Variants in CSPG4 observed in about 807,000 individuals in gnomAD.
CSPG4 encodes the protein chondroitin sulfate proteoglycan 4 (melanoma-associated).
A neutral mutation model predicts 139.3 loss-of-function variants in CSPG4; 74 were observed. The observed-to-expected ratio is 0.53, with a 90% CI of 0.44 to 0.64. The LOEUF (loss-of-function observed/expected upper bound fraction) is 0.64, where lower values mean the gene tolerates loss of function less well. Ranked by LOEUF, CSPG4 falls within the 30% of genes least tolerant of loss-of-function variation. CSPG4 has a pLI of 0.00. For synonymous variants in CSPG4, 1,234 were observed against 1,394.2 expected (o/e 0.89, Z 2.56); for missense variants, 2,565 against 3,148.3 (o/e 0.81, Z 4.43).
In CSPG4 at chr15:75,682,738, G is replaced by C. The variant is rs1425853125; in HGVS notation, c.4652C>G (p.Thr1551Ser). The change falls in exon 7 of 10, where the codon ACC becomes AGC. Residue 1551 changes from threonine (T) to serine (S), a missense_variant. Thr to Ser is a moderately conservative substitution (Grantham distance 58). This residue lies in a region of CSPG4 where 2,316 missense variants were observed against 2,818.2 expected (regional missense o/e 0.82). Coordinates refer to ENST00000308508, the MANE Select transcript of CSPG4 (RefSeq NM_001897.5). The stretch of plus-strand genomic sequence containing the variant: ...GCGGAAGCGGAAGCCTCCATCCAGG[G>C]TTCCTGGGGACAGGGGCATTGGGTC... Reference protein sequence around the residue: ...GGLVLFSHRGTLDGGFRFRLS... With the variant: ...GGLVLFSHRGSLDGGFRFRLS... 1 of 1,612,846 alleles carries C rather than the reference G, an allele frequency of 6.2e-7. No individual in the cohort carries two copies. The highest frequency in any genetic ancestry group is 1.7e-5 in the Admixed American group (1 of 60,032).
chr15:75,685,053 A>G (rs1438992909), intron 4 of CSPG4, 141 bp from the exon 5 acceptor site: 7 of 1,257,260 alleles, frequency 5.6e-6, no homozygotes, highest in Non-Finnish European at 7.8e-6. Flanking sequence ...GGCTCCGAGG[A>G]GTTGTGAGGA....
At chr15:75,708,834 C>T (rs544274929) in intron 1 of CSPG4, among the ~76,000 whole-genome samples, 1 of 152,338 alleles carries the variant, frequency 6.6e-6, no homozygotes, top group East Asian at 1.9e-4. Context: ...CGAGACCAGC[C>T]TGGGCAACAT....
At position 75,688,600 on chromosome 15, in the gene CSPG4, T is replaced by C. The variant is rs765661211; in HGVS notation, c.2465A>G (p.His822Arg). The stretch of plus-strand genomic sequence containing the variant: ...CCTGGGAGCCTGAACCACCTCATAA[T>C]GGAAGGTTGGGGGGCTTGGGCCTGC... Reference protein sequence around the residue: ...EEAGPSPPTFHYEVVQAPRKG... With the variant: ...EEAGPSPPTFRYEVVQAPRKG... Residue 822 changes from histidine to arginine, a missense_variant, in exon 3 of 10, where the codon CAT (histidine) becomes CGT (arginine). Physicochemically the swap from His to Arg is conservative, Grantham distance 29 (BLOSUM62 0). Around this residue, in one of 5 missense-constraint regions of CSPG4, gnomAD observed 2,316 missense variants for 2,818.2 expected, o/e 0.82. Transcript: ENST00000308508. 1.9e-6 allele frequency: 3 copies of C among 1,612,970 alleles called. No individual in the cohort carries two copies. The highest frequency in any genetic ancestry group is 2.5e-6 in the Non-Finnish European group (3 of 1,179,946).
At position 75,682,303 on chromosome 15, in the gene CSPG4, G is replaced by C. The variant is rs1318131742; in HGVS notation, c.4940C>G (p.Thr1647Ser). 7 of 1,596,680 alleles carry C rather than the reference G, an allele frequency of 4.4e-6. No individual in the cohort carries two copies. Among genetic ancestry groups the C allele is most frequent in the Non-Finnish European group, 5.9e-6 (7 of 1,179,928 alleles). ...AAGTTGGGCCCTTACCTCTGCCTGA[G>C]TGAAGTTCACCAGGGCCTCCCCTGT... is the stretch of plus-strand genomic sequence containing the variant. ...DSTGEALVNF[T>S]QAEVYAGNIL... The change falls in exon 8 of 10, where the codon ACT becomes AGT. Residue 1647 changes from threonine to serine, a missense_variant. By Grantham distance (58) the Thr-to-Ser change is moderately conservative. Around this residue, in one of 5 missense-constraint regions of CSPG4, gnomAD observed 2,316 missense variants for 2,818.2 expected, o/e 0.82. Transcript: ENST00000308508.
chr15:75,686,180 G>A (rs892170774), intron 3 of CSPG4, among the ~76,000 whole-genome samples: 2 of 152,174 alleles, frequency 1.3e-5, no homozygotes, highest in African/African-American at 4.8e-5. Context: ...ACTCCCTCAG[G>A]GAGGTGCATA....
At chr15:75,707,764 G>A (rs112282435) in intron 1 of CSPG4, among the ~76,000 whole-genome samples, 35 of 152,314 alleles carry the variant, frequency 2.3e-4, no homozygotes, top group African/African-American at 7.9e-4. Context: ...CCTCCAGGCC[G>A]GCTCAGCTGG....
intron 8 of CSPG4, among the ~76,000 whole-genome samples, chr15:75,681,474 G>A (rs1395818693): frequency 2.0e-5 from 3 of 152,102 alleles, no homozygotes; most frequent in Admixed American, 6.5e-5. Context: ...TCAGCTCTGC[G>A]CCCCACAAGA....
rs1479816264 is a variant in CSPG4 at position 75,689,142 on chromosome 15, C to T, written c.1923G>A (p.Arg641=). ...RGGPAQDLTF[R]VSDGLQASPP... is the part of the protein sequence containing the mutation. ...GGCTGGCCTGCAGTCCATCGCTGAC[C>T]CGGAACGTCAAGTCCTGTGCAGGAC... Residue 641 remains arginine, a synonymous_variant, in exon 3 of 10, where the codon CGG becomes CGA. Transcript: ENST00000308508. 51 of 1,598,666 alleles carry T rather than the reference C, an allele frequency of 3.2e-5. No individual in the cohort carries two copies. Among genetic ancestry groups the T allele is most frequent in the Non-Finnish European group, 4.3e-5 (51 of 1,172,418 alleles).
At position 75,677,764 on chromosome 15, in the gene CSPG4, A is replaced by G. The variant is rs1158339949; in HGVS notation, c.5073T>C (p.Ala1691=). Residue 1691 remains alanine (A), a synonymous_variant, in exon 9 of 10, where the codon GCT becomes GCC. Transcript: ENST00000308508. ...PPARDVAATL[A]VAVSFEAACP... is the part of the protein sequence containing the mutation. The stretch of plus-strand genomic sequence containing the variant: ...AGGCAGCCTCAAAAGACACAGCCAC[A>G]GCAAGGGTGGCGGCCACGTCCCGGG... The G allele has an allele frequency of 2.5e-6, 4 of 1,611,286 alleles. No individual in the cohort carries two copies. The highest frequency in any genetic ancestry group is 1.7e-5 in the Admixed American group (1 of 59,488).
chr15:75,686,368 A>C (rs1435952746), intron 3 of CSPG4, among the ~76,000 whole-genome samples: 2 of 152,172 alleles, frequency 1.3e-5, no homozygotes, highest in Non-Finnish European at 2.9e-5. Flanking sequence ...ATTACCACCC[A>C]GGACCATCAG....
Position 75,677,265 on chromosome 15 carries a change from T to C in CSPG4, c.5254A>G (p.Thr1752Ala). 6.7e-7 allele frequency: 1 copy of C among 1,497,478 alleles called. No homozygotes were observed. 92.8% of individuals were successfully genotyped at this position (1,497,478 alleles called of 1,614,324 possible). Residue 1752 changes from threonine to alanine, a missense_variant, in exon 10 of 10, where the codon ACA becomes GCA. Thr to Ala is a moderately conservative substitution (Grantham distance 58). This residue lies in a region of CSPG4 where 2,316 missense variants were observed against 2,818.2 expected (regional missense o/e 0.82). Transcript: ENST00000308508. ...RSEHDVLFQV[T>A]QFPSRGQLLV... ...AGCTGGCCCCGGCTGGGGAACTGTG[T>C]GACCTGGAAGAGCACATCATGCTCT...
chr15:75,710,357 C>T (rs554003251), intron 1 of CSPG4, among the ~76,000 whole-genome samples: 250 of 152,336 alleles, frequency 1.6e-3, no homozygotes, highest in African/African-American at 5.5e-3. Flanking sequence ...CAATGCTTGG[C>T]TCTCTGCTGG....
chr15:75,678,543 A>G (rs1406804780), intron 8 of CSPG4: 1 of 418,990 alleles, frequency 2.4e-6, no homozygotes, highest in African/African-American at 2.0e-5. Flanking sequence ...TTGTTGAGAC[A>G]GGGTCTCACT....
In CSPG4 at chr15:75,698,455, CT is replaced by C. The variant is rs372943458; in HGVS notation, c.89-5223del. On this transcript the variant is annotated intron_variant, in intron 1 of 9. Coordinates refer to ENST00000308508, the MANE Select transcript of CSPG4 (RefSeq NM_001897.5). The surrounding 1 kb of genome is among the most constrained non-coding windows in gnomAD (Gnocchi z 4.3). ...CCCTCTAGACCTCAGGTCAGTTCCC[CT>C]CCCCTCCCCTTGCACCTCCAAGGGA... Among the ~76,000 whole-genome samples the C allele has an allele frequency of 1.8e-4, 28 of 152,134 alleles. 1 individual carries two copies. Among genetic ancestry groups the C allele is most frequent in the African/African-American group, 6.8e-4 (28 of 41,476 alleles).
At chr15:75,677,622 G>A in intron 9 of CSPG4, 81 bp downstream of exon 9, 1 of 1,454,100 alleles carries the variant, frequency 6.9e-7, no homozygotes, top group Non-Finnish European at 9.2e-7. Flanking sequence ...AGGAGCTGCT[G>A]ACCCTGGCCT....
chr15:75,678,110 C>A (rs138967830), intron 8 of CSPG4, among the ~76,000 whole-genome samples: 1 of 152,214 alleles, frequency 6.6e-6, no homozygotes, highest in Non-Finnish European at 1.5e-5. Flanking sequence ...AACTCTGCCA[C>A]CCTGGGGAAA....
At chr15:75,678,516 C>A (rs1422885612) in intron 8 of CSPG4, 1 of 389,450 alleles carries the variant, frequency 2.6e-6, no homozygotes, top group Non-Finnish European at 5.2e-6. Context: ...CCACACCCAG[C>A]TATTTTTTTT....
chr15:75,683,355 G>A (rs555565458), intron 5 of CSPG4, among the ~76,000 whole-genome samples: 39 of 152,164 alleles, frequency 2.6e-4, no homozygotes, highest in Non-Finnish European at 5.1e-4. Context: ...CCCTCACCAA[G>A]TTCTCACTCC....
intron 1 of CSPG4, among the ~76,000 whole-genome samples, chr15:75,701,273 G>A (rs1392302087): frequency 6.6e-6 from 1 of 152,218 alleles, no homozygotes; most frequent in Non-Finnish European, 1.5e-5. Context: ...CTGTGATGAG[G>A]GAGGTGATGT....
Sources: allele counts gnomAD v4.1 joint callset (sites outside exome capture counted in the v4.1 genomes callset), GRCh38; gene constraint gnomAD v4.1.1; regional missense constraint gnomAD v4.1.1; non-coding constraint Gnocchi (gnomAD v3.1); transcripts MANE v1.5; gene names NCBI Gene and HGNC (gene_info 2026-07-23, HGNC 2026-07-21).